NIBAN1: variants seen among roughly 807,000 people sequenced by gnomAD.
The protein encoded by NIBAN1 is niban apoptosis regulator 1.
Under a neutral mutation model 75.1 loss-of-function variants are expected in NIBAN1, and 81 were observed. That is an observed-to-expected ratio of 1.08 (90% CI 0.90 to 1.30). NIBAN1 has a LOEUF of 1.30. Among genes scored for constraint, NIBAN1 ranks in the 50% most tolerant of loss-of-function variants. The pLI, the probability that NIBAN1 is intolerant of heterozygous loss-of-function variation, is 0.00. For synonymous variants in NIBAN1, 436 were observed against 424.8 expected (o/e 1.03, Z -0.32); for missense variants, 1,133 against 1,128.1 (o/e 1.00, Z -0.06).
intron 5 of NIBAN1, among the ~76,000 whole-genome samples, chr1:184,870,636 G>A (rs1374525966): frequency 3.3e-5 from 5 of 152,182 alleles, no homozygotes; most frequent in African/African-American, 1.2e-4. Context: ...ATGCGACAGA[G>A]CTGCAAAATG....
Position 184,930,717 on chromosome 1 carries a change from A to G in NIBAN1, c.56-31408T>C, listed in dbSNP as rs549997205. On this transcript the variant is annotated intron_variant, in intron 1 of 13. Coordinates refer to ENST00000367511, the MANE Select transcript of NIBAN1 (RefSeq NM_052966.4). ...GACCATGACGCTTCTATATATAATC[A>G]TACAACCACCAACTTGGAAAACAGA... 5.9e-5 allele frequency among the ~76,000 whole-genome samples: 9 copies of G among 152,328 alleles called. No homozygotes were observed. In the East Asian group the frequency reaches 1.7e-3, roughly 29 times the overall value.
At chr1:184,801,101 G>A (rs777672194) in intron 12 of NIBAN1, among the ~76,000 whole-genome samples, 38 of 152,120 alleles carry the variant, frequency 2.5e-4, no homozygotes, top group Admixed American at 9.2e-4. Context: ...GGTGCTGGGG[G>A]AAGGCTTCCC....
At chr1:184,897,622 A>G (rs897235117) in intron 2 of NIBAN1, among the ~76,000 whole-genome samples, 16 of 152,152 alleles carry the variant, frequency 1.1e-4, no homozygotes, top group African/African-American at 3.4e-4. Context: ...CTGAGCTCCA[A>G]ATGAAAACAT....
intron 1 of NIBAN1, among the ~76,000 whole-genome samples, chr1:184,970,117 C>A (rs1658898717): frequency 6.7e-6 from 1 of 149,934 alleles, no homozygotes; most frequent in East Asian, 2.0e-4. Context: ...CTGCAGTGAG[C>A]CATGACTGTC....
At chr1:184,878,409 TTAGAG>T (rs1362414780) in intron 5 of NIBAN1, among the ~76,000 whole-genome samples, 3 of 152,222 alleles carry the variant, frequency 2.0e-5, no homozygotes, top group Admixed American at 2.0e-4. Context: ...CCTTTACAAA[TTAGAG>T]TTTTTACTTA....
At chr1:184,952,339 G>C (rs1658378248) in intron 1 of NIBAN1, among the ~76,000 whole-genome samples, 1 of 152,192 alleles carries the variant, frequency 6.6e-6, no homozygotes, top group Non-Finnish European at 1.5e-5. Context: ...AGCAGACAGA[G>C]GTTGCAGTGA....
chr1:184,899,413 C>T (rs1013336424), intron 1 of NIBAN1, 104 bp from the exon 2 acceptor site: 12 of 1,201,024 alleles, frequency 1.0e-5, no homozygotes, highest in Admixed American at 4.1e-5. Flanking sequence ...TCTATCCCTC[C>T]AGTCACCCCT....
In NIBAN1 at chr1:184,974,398, C is replaced by T; in HGVS notation, c.-42G>A. On this transcript the variant is annotated 5_prime_UTR_variant, in exon 1 of 14. Transcript: ENST00000367511. ...TGCTGAGCGCGGAAACTGCCCGGTC[C>T]GCGCCCGCTGCTAGCTCCTGGAGGT... 1.3e-6 allele frequency: 2 copies of T among 1,538,630 alleles called. No homozygotes were observed. The highest frequency in any genetic ancestry group is 1.2e-5 in the South Asian group (1 of 84,056).
intron 1 of NIBAN1, among the ~76,000 whole-genome samples, chr1:184,936,566 A>G (rs536020795): frequency 6.6e-6 from 1 of 152,208 alleles, no homozygotes; most frequent in Non-Finnish European, 1.5e-5. Flanking sequence ...TAGCAGGCCC[A>G]CCTGCCCTCT....
chr1:184,961,119 A>G (rs1203056407), intron 1 of NIBAN1, among the ~76,000 whole-genome samples: 7 of 114,778 alleles, frequency 6.1e-5, no homozygotes, highest in African/African-American at 2.1e-4. Context: ...CCCAGGCTGG[A>G]GTGCAGTGGC....
At chr1:184,810,210 G>A (rs184005957) in intron 9 of NIBAN1, among the ~76,000 whole-genome samples, 188 of 152,294 alleles carry the variant, frequency 1.2e-3, no homozygotes, top group African/African-American at 4.3e-3. Context: ...TTGTAAGGAT[G>A]TTCATCATGA....
intron 1 of NIBAN1, among the ~76,000 whole-genome samples, chr1:184,937,002 T>A (rs186759267): frequency 2.0e-5 from 3 of 152,236 alleles, no homozygotes; most frequent in Admixed American, 6.5e-5. Flanking sequence ...CTCCATCCTA[T>A]CCCTTTCCTC....
chr1:184,905,991 A>G (rs558480514), intron 1 of NIBAN1, among the ~76,000 whole-genome samples: 88 of 151,450 alleles, frequency 5.8e-4, no homozygotes, highest in South Asian at 1.3e-3. Context: ...TAATCCCAGC[A>G]CTTGGGGAGG....
intron 1 of NIBAN1, among the ~76,000 whole-genome samples, chr1:184,910,192 A>G (rs933597558): frequency 5.3e-5 from 8 of 152,144 alleles, no homozygotes; most frequent in African/African-American, 1.9e-4. Context: ...CAAGGAGATT[A>G]AGTATGAAGT....
chr1:184,948,898 A>G (rs12738668), intron 1 of NIBAN1, among the ~76,000 whole-genome samples: 2 of 152,202 alleles, frequency 1.3e-5, no homozygotes, highest in South Asian at 4.1e-4. Context: ...TTGAAGGATC[A>G]TGGATAATTT....
At chr1:184,855,580 C>A (rs774714324) in intron 5 of NIBAN1, among the ~76,000 whole-genome samples, 1 of 152,104 alleles carries the variant, frequency 6.6e-6, no homozygotes, top group African/African-American at 2.4e-5. Flanking sequence ...TGCCTGACCT[C>A]TCCCCCTTCA....
intron 1 of NIBAN1, among the ~76,000 whole-genome samples, chr1:184,929,637 T>C (rs2102030041): frequency 6.6e-6 from 1 of 152,302 alleles, no homozygotes; most frequent in African/African-American, 2.4e-5. Context: ...AACTCACTTG[T>C]AAGATTTTCC....
chr1:184,943,998 T>C (rs183963617), intron 1 of NIBAN1, among the ~76,000 whole-genome samples: 1 of 152,274 alleles, frequency 6.6e-6, no homozygotes, highest in African/African-American at 2.4e-5. Flanking sequence ...ATACACTACA[T>C]TTGTCCCTGA....
intron 5 of NIBAN1, among the ~76,000 whole-genome samples, chr1:184,840,628 G>T (rs58916512): frequency 0.081 from 12,203 of 151,402 alleles, 1,643 homozygotes; most frequent in African/African-American, 0.28. Flanking sequence ...AATATTAAAA[G>T]ACTATTTGTC....
Sources: allele counts gnomAD v4.1 joint callset (sites outside exome capture counted in the v4.1 genomes callset), GRCh38; gene constraint gnomAD v4.1.1; transcripts MANE v1.5; gene names NCBI Gene and HGNC (gene_info 2026-07-23, HGNC 2026-07-21).